LRMDA: variants seen among roughly 807,000 people sequenced by gnomAD.
LRMDA encodes the protein leucine-rich melanocyte differentiation-associated protein.
Under a neutral mutation model 29.8 loss-of-function variants are expected in LRMDA, and 18 were observed. The ratio of observed to expected loss-of-function variants is 0.60; its 90% CI spans 0.42 to 0.90. LRMDA has a LOEUF of 0.90. Among genes scored for constraint, LRMDA ranks in the 40% least tolerant of loss-of-function variants. The pLI, the probability that LRMDA is intolerant of heterozygous loss-of-function variation, is 0.00. For missense variants in LRMDA, 273 were observed against 273.9 expected, an observed-to-expected ratio of 1.00 and a Z score of 0.02; for synonymous variants, 125 against 109.4, an observed-to-expected ratio of 1.14 and a Z score of -0.89.
At chr10:75,600,859 C>T (rs1840876444) in intron 2 of LRMDA, among the ~76,000 whole-genome samples, 1 of 152,238 alleles carries the variant, frequency 6.6e-6, no homozygotes, top group African/African-American at 2.4e-5. Context: ...GTGTGCTGAA[C>T]ATGAGAAATA....
chr10:76,000,164 T>C (rs1847536574), intron 2 of LRMDA, among the ~76,000 whole-genome samples: 1 of 152,252 alleles, frequency 6.6e-6, no homozygotes. Context: ...TATTTGGGTT[T>C]TTGGTGATGG....
intron 2 of LRMDA, among the ~76,000 whole-genome samples, chr10:75,798,400 A>G (rs1843691862): frequency 6.6e-6 from 1 of 152,104 alleles, no homozygotes; most frequent in Admixed American, 6.5e-5. Flanking sequence ...CGAGGTCATG[A>G]AGATTTCTCT....
At chr10:76,487,611 C>T (rs1842795339) in intron 6 of LRMDA, among the ~76,000 whole-genome samples, 1 of 151,722 alleles carries the variant, frequency 6.6e-6, no homozygotes, top group African/African-American at 2.4e-5. Flanking sequence ...GTTTTTGAGA[C>T]TCTGTTTAAG....
At chr10:76,444,544 T>C (rs1842334714) in intron 6 of LRMDA, among the ~76,000 whole-genome samples, 1 of 152,234 alleles carries the variant, frequency 6.6e-6, no homozygotes, top group Non-Finnish European at 1.5e-5. Context: ...GCAGCCCAGC[T>C]TGTTTAGAAA....
chr10:76,202,061 A>C (rs928248991), intron 5 of LRMDA, among the ~76,000 whole-genome samples: 1 of 152,082 alleles, frequency 6.6e-6, no homozygotes, highest in Non-Finnish European at 1.5e-5. Flanking sequence ...TGGTGGCTTC[A>C]GAGTTCCATG....
In LRMDA at chr10:76,122,443, A is replaced by G. The variant is rs535916269; in HGVS notation, c.516+63660A>G. Among the ~76,000 whole-genome samples the G allele has an allele frequency of 5.2e-4, 79 of 152,144 alleles. 1 individual carries two copies. In the South Asian group the frequency reaches 0.016, roughly 30 times the overall value. On this transcript the variant is annotated intron_variant, in intron 5 of 6. Transcript: ENST00000611255. The stretch of plus-strand genomic sequence containing the variant: ...TAGGTACAAATCTTGTCCCTGCCAC[A>G]TGATGGTCGTGTGACATTAGGGAAG...
At chr10:76,490,668 G>A (rs1842825051) in intron 6 of LRMDA, among the ~76,000 whole-genome samples, 1 of 151,794 alleles carries the variant, frequency 6.6e-6, no homozygotes, top group Non-Finnish European at 1.5e-5. Flanking sequence ...GTCTATGTAT[G>A]TCTTTATAGG....
At chr10:76,073,917 T>C (rs1898058) in intron 5 of LRMDA, among the ~76,000 whole-genome samples, 57,530 of 152,116 alleles carry the variant, frequency 0.38, 12,083 homozygotes, top group Non-Finnish European at 0.46. Context: ...TAGAGCATCC[T>C]GAAAATTATT....
At chr10:75,927,860 T>C (rs1267350094) in intron 2 of LRMDA, among the ~76,000 whole-genome samples, 1 of 152,180 alleles carries the variant, frequency 6.6e-6, no homozygotes, top group Non-Finnish European at 1.5e-5. Flanking sequence ...AGTCTCCATA[T>C]ACTAATTGGT....
chr10:75,691,299 G>GT (rs1842154210), intron 2 of LRMDA, among the ~76,000 whole-genome samples: 1 of 149,840 alleles, frequency 6.7e-6, no homozygotes, highest in South Asian at 2.1e-4. Flanking sequence ...GTCTTGTGCT[G>GT]TTTTTTGTGT....
chr10:75,892,596 T>C (rs1050441622), intron 2 of LRMDA, among the ~76,000 whole-genome samples: 2 of 152,224 alleles, frequency 1.3e-5, no homozygotes, highest in African/African-American at 4.8e-5. Context: ...ATTTTATATA[T>C]TATGTTTAAT....
At chr10:75,864,179 C>T (rs1203376488) in intron 2 of LRMDA, among the ~76,000 whole-genome samples, 1 of 152,178 alleles carries the variant, frequency 6.6e-6, no homozygotes, top group Non-Finnish European at 1.5e-5. Flanking sequence ...ATAATATTTG[C>T]AGTGTTATTT....
intron 5 of LRMDA, among the ~76,000 whole-genome samples, chr10:76,293,972 G>T (rs1010279153): frequency 1.3e-5 from 2 of 152,158 alleles, no homozygotes; most frequent in African/African-American, 4.8e-5. Flanking sequence ...GTGTGCACTT[G>T]GAGGTTGTTT....
At chr10:76,462,629 ATCTTTGCCTGTGCTGAGTGGTGTGTGG>A (rs1842524786) in intron 6 of LRMDA, among the ~76,000 whole-genome samples, 1 of 152,134 alleles carries the variant, frequency 6.6e-6, no homozygotes, top group Admixed American at 6.5e-5. Flanking sequence ...ATCCCGCACC[ATCTTTGCCTGTGCTGAGTGGTGTGTGG>A]TCTGGCCTTC....
At chr10:75,938,613 C>T (rs1167189504) in intron 2 of LRMDA, among the ~76,000 whole-genome samples, 1 of 152,162 alleles carries the variant, frequency 6.6e-6, no homozygotes, top group Admixed American at 6.6e-5. Context: ...CTGTAATTTA[C>T]AGTGTGTTAT....
At position 76,044,295 on chromosome 10, in the gene LRMDA, G is replaced by A. The variant is rs565935670; in HGVS notation, c.259-2869G>A. Among the ~76,000 whole-genome samples, 196 of 152,210 alleles carry A rather than the reference G, an allele frequency of 1.3e-3. 1 individual carries two copies. The highest frequency in any genetic ancestry group is 3.6e-3 in the African/African-American group (151 of 41,546). ...GTCCGGGTCTAGGTCCAGGCCTGGG[G>A]TACTCTACCTGAATGACACCATCCA... is the stretch of plus-strand genomic sequence containing the variant. On this transcript the variant is annotated intron_variant, in intron 3 of 6. Transcript: ENST00000611255.
intron 6 of LRMDA, among the ~76,000 whole-genome samples, chr10:76,552,371 AC>A (rs1843506886): frequency 6.6e-6 from 1 of 151,876 alleles, no homozygotes; most frequent in Admixed American, 6.6e-5. Flanking sequence ...GTTAATGAAA[AC>A]CCTTTCCTCA....
At chr10:75,998,398 TC>T (rs1847508365) in intron 2 of LRMDA, among the ~76,000 whole-genome samples, 1 of 152,176 alleles carries the variant, frequency 6.6e-6, no homozygotes, top group African/African-American at 2.4e-5. Flanking sequence ...TCTGGGTACC[TC>T]TATCCTGGCC....
At chr10:76,223,251 A>C (rs1205744020) in intron 5 of LRMDA, among the ~76,000 whole-genome samples, 1 of 152,032 alleles carries the variant, frequency 6.6e-6, no homozygotes, top group Non-Finnish European at 1.5e-5. Flanking sequence ...ATGTACCCTA[A>C]AACTTAAAGT....
Sources: allele counts gnomAD v4.1 joint callset (sites outside exome capture counted in the v4.1 genomes callset), GRCh38; gene constraint gnomAD v4.1.1; transcripts MANE v1.5; gene names NCBI Gene and HGNC (gene_info 2026-07-23, HGNC 2026-07-21).